The following SNX30 variants were observed in gnomAD, a reference collection of about 807,000 sequenced individuals.
SNX30 encodes sorting nexin family member 30.
SNX30 carries 24 observed loss-of-function variants against 46.4 expected under a neutral mutation model. The observed-to-expected ratio is 0.52, with a 90% CI of 0.37 to 0.73. The LOEUF is 0.73. Among genes scored for constraint, SNX30 ranks in the 30% least tolerant of loss-of-function variants. The probability of loss-of-function intolerance (pLI) is 0.00; values close to 1 mark genes in which losing one functional copy is unlikely to be tolerated. For synonymous variants in SNX30, 189 were observed against 211.5 expected, an observed-to-expected ratio of 0.89 and a Z score of 0.92; for missense variants, 533 against 555.7, an observed-to-expected ratio of 0.96 and a Z score of 0.41.
chr9:112,776,194 G>A (rs1839745477), intron 1 of SNX30, among the ~76,000 whole-genome samples: 1 of 152,062 alleles, frequency 6.6e-6, no homozygotes, highest in Admixed American at 6.6e-5. Flanking sequence ...TTTTTCTGGA[G>A]AAAGCACTTA....
rs549519691 is a variant in SNX30 at position 112,755,972 on chromosome 9, G to A, written c.156+4815G>A. ...TAAACCAGTCTCTGATTCTGATTGC[G>A]CAGACTTGAATCAGGTACTTATCTT... On this transcript the variant is annotated intron_variant, in intron 1 of 8. Transcript: ENST00000374232. 5.9e-5 allele frequency among the ~76,000 whole-genome samples: 9 copies of A among 152,222 alleles called. No individual in the cohort carries two copies. The East Asian group carries it at 1.7e-3, about 29-fold the overall frequency.
At position 112,792,914 on chromosome 9, in the gene SNX30, CA is replaced by C. The variant is rs200452291; in HGVS notation, c.157-11861del. Among the ~76,000 whole-genome samples the C allele has an allele frequency of 8.7e-3, 1,304 of 149,108 alleles. 22 individuals carry two copies. The highest frequency in any genetic ancestry group is 0.031 in the African/African-American group (1,249 of 40,336). On this transcript the variant is annotated intron_variant, in intron 1 of 8. Transcript: ENST00000374232. ...TTTTCTTTTTCTTTTAATGGGAACA[CA>C]GAGTAAGTCTGGCCTAAAGGGTTCT...
intron 1 of SNX30, among the ~76,000 whole-genome samples, chr9:112,783,395 A>G (rs1255587545): frequency 6.6e-6 from 1 of 152,206 alleles, no homozygotes; most frequent in East Asian, 1.9e-4. Context: ...GTTAAGTGAG[A>G]CATTTAATAT....
intron 1 of SNX30, among the ~76,000 whole-genome samples, chr9:112,763,302 C>T (rs1463626337): frequency 6.6e-6 from 1 of 150,640 alleles, no homozygotes. Flanking sequence ...CCTGAGTAGT[C>T]CTCAGCTCCT....
chr9:112,832,453 AGAGAGAGTGTGT>A (rs1452719009), intron 4 of SNX30, among the ~76,000 whole-genome samples: 39 of 121,374 alleles, frequency 3.2e-4, no homozygotes, highest in South Asian at 5.4e-4. Context: ...AGAGAGAGAG[AGAGAGAGTGTGT>A]GTGTGTGTGT....
chr9:112,821,167 A>T (rs374076815), intron 3 of SNX30, among the ~76,000 whole-genome samples: 5 of 152,302 alleles, frequency 3.3e-5, no homozygotes, highest in African/African-American at 1.2e-4. Flanking sequence ...GTTTCTCCAC[A>T]TCTCCATCAA....
chr9:112,855,845 G>A (rs1841117837), intron 7 of SNX30, among the ~76,000 whole-genome samples: 1 of 152,128 alleles, frequency 6.6e-6, no homozygotes, highest in South Asian at 2.1e-4. Context: ...GGGGCTGGCT[G>A]CCTTCTCCTG....
chr9:112,765,170 G>C (rs538702265), intron 1 of SNX30, among the ~76,000 whole-genome samples: 1 of 152,318 alleles, frequency 6.6e-6, no homozygotes, highest in African/African-American at 2.4e-5. Flanking sequence ...CACTGTGGAA[G>C]AGACTCTAGG....
chr9:112,827,608 G>A (rs1840596728), intron 3 of SNX30, among the ~76,000 whole-genome samples: 2 of 152,150 alleles, frequency 1.3e-5, no homozygotes, highest in African/African-American at 4.8e-5. Context: ...CCTACTCCAA[G>A]TGGCCTAGTA....
In SNX30 at chr9:112,790,629, T is replaced by C. The variant is rs574046758; in HGVS notation, c.157-14147T>C. Among the ~76,000 whole-genome samples, 7 of 152,360 alleles carry C rather than the reference T, an allele frequency of 4.6e-5. No individual in the cohort carries two copies. In the South Asian group the frequency reaches 1.4e-3, roughly 32 times the overall value. Reference sequence around the variant, plus strand: ...TCAGTGTGGTGGGGATGTGTCTTCCTGTGGGAAGTCACTTGGCAATAAGAA... The same window carrying C: ...TCAGTGTGGTGGGGATGTGTCTTCCCGTGGGAAGTCACTTGGCAATAAGAA... On this transcript the variant is annotated intron_variant, in intron 1 of 8. Coordinates refer to ENST00000374232, the MANE Select transcript of SNX30 (RefSeq NM_001012994.2).
At chr9:112,820,903 A>G (rs544418752) in intron 3 of SNX30, among the ~76,000 whole-genome samples, 1 of 152,312 alleles carries the variant, frequency 6.6e-6, no homozygotes, top group African/African-American at 2.4e-5. Context: ...TAGTTTATGG[A>G]TAATACCACA....
At chr9:112,775,540 ATTTGTGTGTG>A (rs1189182292) in intron 1 of SNX30, among the ~76,000 whole-genome samples, 7 of 60,512 alleles carry the variant, frequency 1.2e-4, no homozygotes, top group African/African-American at 4.5e-4. Flanking sequence ...TTTATTTTAA[ATTTGTGTGTG>A]TGTGTGTGTG....
chr9:112,773,442 T>G (rs754109260), intron 1 of SNX30, among the ~76,000 whole-genome samples: 1 of 151,910 alleles, frequency 6.6e-6, no homozygotes, highest in Non-Finnish European at 1.5e-5. Flanking sequence ...CAAGCTGGAG[T>G]GCAGTGGCGT....
At chr9:112,881,124 C>T (rs540114146) in intron 5 of SNX30, among the ~76,000 whole-genome samples, 47 of 152,276 alleles carry the variant, frequency 3.1e-4, no homozygotes, top group Admixed American at 6.5e-4. Context: ...TAAATGGATG[C>T]GCAGCAATTA....
intron 4 of SNX30, 38 bp downstream of exon 4, chr9:112,830,921 C>G: frequency 1.3e-6 from 2 of 1,564,274 alleles, no homozygotes; most frequent in Non-Finnish European, 1.7e-6. Flanking sequence ...GTCCATATTA[C>G]CATTCTTGGG....
chr9:112,817,647 C>G (rs747718080), intron 2 of SNX30, 58 bp from the exon 3 acceptor site: 1 of 1,043,912 alleles, frequency 9.6e-7, no homozygotes, highest in African/African-American at 1.6e-5. Flanking sequence ...TTTTCCTTCC[C>G]TTCAGCCAAG....
chr9:112,834,498 TG>T (rs1362407074), intron 4 of SNX30, among the ~76,000 whole-genome samples: 1 of 152,082 alleles, frequency 6.6e-6, no homozygotes, highest in East Asian at 1.9e-4. Context: ...GGGCGAGGCG[TG>T]GGGGAAGGGG....
At chr9:112,865,643 A>ATGTGTGTGTGTGTG (rs1841315332) in intron 8 of SNX30, among the ~76,000 whole-genome samples, 1 of 83,668 alleles carries the variant, frequency 1.2e-5, no homozygotes, top group Non-Finnish European at 2.9e-5. Context: ...ATATATATAT[A>ATGTGTGTGTGTGTG]TATATATATA....
intron 7 of SNX30, among the ~76,000 whole-genome samples, chr9:112,851,205 C>A (rs909838042): frequency 1.3e-5 from 2 of 152,190 alleles, no homozygotes; most frequent in Non-Finnish European, 2.9e-5. Context: ...ATCGGCAGTT[C>A]CTTGCTCCAT....
Sources: gnomAD v4.1 joint callset for allele counts (sites outside exome capture counted in the v4.1 genomes callset) on GRCh38, gnomAD v4.1.1 for gene constraint, MANE v1.5 for transcripts, NCBI Gene and HGNC (gene_info 2026-07-23, HGNC 2026-07-21) for gene names.